Variants in DDR2 observed in about 807,000 individuals in gnomAD.
DDR2 encodes the protein discoidin domain receptor tyrosine kinase 2, also known as discoidin domain-containing receptor 2.
Under a neutral mutation model 94.9 loss-of-function variants are expected in DDR2, and 27 were observed. That is an observed-to-expected ratio of 0.28 (90% CI 0.21 to 0.39). The LOEUF (loss-of-function observed/expected upper bound fraction) is 0.39, where lower values mean the gene tolerates loss of function less well. Among genes scored for constraint, DDR2 ranks in the 10% least tolerant of loss-of-function variants. DDR2 has a pLI of 1.00. For missense variants in DDR2, 783 were observed against 1,076.0 expected (o/e 0.73, Z 3.81); for synonymous variants, 382 against 377.2 (o/e 1.01, Z -0.15).
chr1:162,709,135 G>T (rs544163963), intron 2 of DDR2, among the ~76,000 whole-genome samples: 1 of 152,304 alleles, frequency 6.6e-6, no homozygotes, highest in Admixed American at 6.5e-5. Context: ...CATGACACTG[G>T]TGAGAGGTGG....
At chr1:162,638,240 CA>C (rs1483494438) in intron 1 of DDR2, among the ~76,000 whole-genome samples, 1 of 152,102 alleles carries the variant, frequency 6.6e-6, no homozygotes, top group African/African-American at 2.4e-5. Context: ...AGGCTGGTCT[CA>C]AACTCCTGAC....
chr1:162,655,804 A>G (rs1657929015), intron 2 of DDR2, among the ~76,000 whole-genome samples: 1 of 152,176 alleles, frequency 6.6e-6, no homozygotes. Flanking sequence ...TTATTTTATA[A>G]GTTGTTTTCT....
intron 3 of DDR2, among the ~76,000 whole-genome samples, chr1:162,722,325 T>C (rs530456218): frequency 3.3e-5 from 5 of 152,286 alleles, no homozygotes; most frequent in South Asian, 2.1e-4. Context: ...GCCTGGAGCG[T>C]AGGCTACGCA....
intron 1 of DDR2, 147 bp downstream of exon 1, chr1:162,632,778 G>T (rs189356213): frequency 6.6e-6 from 1 of 152,206 alleles, no homozygotes; most frequent in Non-Finnish European, 1.5e-5. Flanking sequence ...ACGTAATGAG[G>T]CACCACAGAC....
chr1:162,755,570 A>G (rs1663421150), intron 6 of DDR2, 94 bp from the exon 7 acceptor site: 1 of 1,244,876 alleles, frequency 8.0e-7, no homozygotes, highest in Non-Finnish European at 1.2e-6. Flanking sequence ...CCTGCTGGAC[A>G]CGCTGTGCAA....
At chr1:162,682,287 T>G (rs1317391133) in intron 2 of DDR2, among the ~76,000 whole-genome samples, 3 of 152,192 alleles carry the variant, frequency 2.0e-5, no homozygotes, top group African/African-American at 7.2e-5. Context: ...TGCCATTGAT[T>G]TGGGACTTTT....
chr1:162,730,400 T>C (rs1054004339), intron 3 of DDR2, among the ~76,000 whole-genome samples: 2 of 152,180 alleles, frequency 1.3e-5, no homozygotes, highest in Middle Eastern at 3.2e-3. Flanking sequence ...TTGATTGTTA[T>C]ACATAAAGGA....
chr1:162,679,001 T>C (rs945102826), intron 2 of DDR2, among the ~76,000 whole-genome samples: 14 of 151,868 alleles, frequency 9.2e-5, no homozygotes, highest in African/African-American at 3.1e-4. Context: ...GTGTGGTGTC[T>C]ACAGTACTAA....
intron 1 of DDR2, among the ~76,000 whole-genome samples, chr1:162,654,148 C>T (rs1483187766): frequency 6.6e-6 from 1 of 152,112 alleles, no homozygotes; most frequent in Non-Finnish European, 1.5e-5. Context: ...ATTTAAAAAA[C>T]TATGCATCTC....
intron 2 of DDR2, among the ~76,000 whole-genome samples, chr1:162,676,070 CAT>C (rs1659107592): frequency 6.6e-6 from 1 of 151,912 alleles, no homozygotes; most frequent in Admixed American, 6.6e-5. Context: ...TGTACATGTG[CAT>C]ATATGAAGGT....
chr1:162,734,023 C>T (rs1662180180), intron 3 of DDR2, among the ~76,000 whole-genome samples: 1 of 152,010 alleles, frequency 6.6e-6, no homozygotes, highest in Admixed American at 6.5e-5. Flanking sequence ...TTTCTGTCTC[C>T]CCTACCGGAA....
chr1:162,684,934 A>C (rs61811976), intron 2 of DDR2, among the ~76,000 whole-genome samples: 9,174 of 152,116 alleles, frequency 0.06, 344 homozygotes, highest in Admixed American at 0.081. Flanking sequence ...AAAGCAGGAA[A>C]ATTTGAAATC....
intron 2 of DDR2, among the ~76,000 whole-genome samples, chr1:162,715,110 C>A (rs1381786082): frequency 1.3e-5 from 2 of 152,078 alleles, no homozygotes; most frequent in Non-Finnish European, 2.9e-5. Flanking sequence ...AGAGATACTT[C>A]CTTTTAGGGT....
chr1:162,770,540 C>T, intron 12 of DDR2, 28 bp downstream of exon 12: 1 of 1,606,580 alleles, frequency 6.2e-7, no homozygotes, highest in Non-Finnish European at 8.5e-7. Context: ...GGCAGGGTGT[C>T]AAGGGAGAAA....
chr1:162,713,176 T>C (rs1661002673), intron 2 of DDR2, among the ~76,000 whole-genome samples: 1 of 152,192 alleles, frequency 6.6e-6, no homozygotes, highest in African/African-American at 2.4e-5. Flanking sequence ...TCTCAACTGT[T>C]TTCTTCTTCC....
intron 14 of DDR2, among the ~76,000 whole-genome samples, 187 bp downstream of exon 14, chr1:162,773,783 T>G (rs1472748700): frequency 6.6e-6 from 1 of 152,318 alleles, no homozygotes; most frequent in African/African-American, 2.4e-5. Flanking sequence ...TCCACCTCTC[T>G]CAAACACAAA....
chr1:162,739,449 T>C (rs980909966), intron 3 of DDR2, among the ~76,000 whole-genome samples: 2 of 152,090 alleles, frequency 1.3e-5, no homozygotes, highest in African/African-American at 4.8e-5. Context: ...TGGGATTACA[T>C]GGGCACACCA....
At chr1:162,686,964 T>G (rs368261999) in intron 2 of DDR2, among the ~76,000 whole-genome samples, 9 of 152,346 alleles carry the variant, frequency 5.9e-5, no homozygotes, top group South Asian at 2.1e-4. Context: ...CAGAGTTGGC[T>G]GTGTTAAATT....
intron 2 of DDR2, among the ~76,000 whole-genome samples, chr1:162,661,667 T>G (rs1223693477): frequency 6.6e-6 from 1 of 152,122 alleles, no homozygotes; most frequent in South Asian, 2.1e-4. Context: ...AGCCGGAGGT[T>G]GTAGGAGGAG....
Sources: gnomAD v4.1 joint callset for allele counts (sites outside exome capture counted in the v4.1 genomes callset) on GRCh38, gnomAD v4.1.1 for gene constraint, MANE v1.5 for transcripts, NCBI Gene and HGNC (gene_info 2026-07-23, HGNC 2026-07-21) for gene names.